RRAS2: variants seen among roughly 807,000 people sequenced by gnomAD.
RRAS2 encodes the protein ras-related protein R-Ras2.
Under a neutral mutation model 27.6 loss-of-function variants are expected in RRAS2, and 7 were observed. The ratio of observed to expected loss-of-function variants is 0.25; its 90% CI spans 0.14 to 0.48. The LOEUF (loss-of-function observed/expected upper bound fraction) is 0.48. Ranked by LOEUF, RRAS2 falls within the 20% of genes least tolerant of loss-of-function variation. The probability of loss-of-function intolerance (pLI) is 0.99; values close to 1 mark genes in which losing one functional copy is unlikely to be tolerated. For missense variants in RRAS2, 178 were observed against 256.2 expected (o/e 0.69, Z 2.08); for synonymous variants, 86 against 90.9 (o/e 0.95, Z 0.31).
intron 1 of RRAS2, among the ~76,000 whole-genome samples, chr11:14,326,186 G>T (rs566477700): frequency 6.6e-6 from 1 of 152,112 alleles, no homozygotes; most frequent in African/African-American, 2.4e-5. Context: ...CAGAATATGT[G>T]CAAATCTGAA....
intron 1 of RRAS2, among the ~76,000 whole-genome samples, chr11:14,352,774 GA>G (rs1848988800): frequency 6.7e-6 from 1 of 148,666 alleles, no homozygotes; most frequent in African/African-American, 2.5e-5. Flanking sequence ...GAGAGAGAGA[GA>G]GAGAGGGAGA....
At position 14,308,823 on chromosome 11, in the gene RRAS2, A is replaced by G. The variant is rs1410835842; in HGVS notation, c.109-12968T>C. On this transcript the variant is annotated intron_variant, in intron 1 of 5. Coordinates refer to ENST00000256196, the MANE Select transcript of RRAS2 (RefSeq NM_012250.6). ...CAGACTCCCCCTTCAGGTGCTATGA[A>G]GTAAAGAGCATGTATTTTAGAGGCA... Among the ~76,000 whole-genome samples the G allele has an allele frequency of 6.0e-4, 92 of 152,346 alleles. 1 individual carries two copies. Among genetic ancestry groups the G allele is most frequent in the Admixed American group, 5.9e-3 (91 of 15,304 alleles).
At chr11:14,289,224 A>C (rs1849746933) in intron 4 of RRAS2, among the ~76,000 whole-genome samples, 1 of 152,192 alleles carries the variant, frequency 6.6e-6, no homozygotes, top group Admixed American at 6.5e-5. Context: ...CTATTATTTT[A>C]AGTATAATAA....
At chr11:14,359,327 G>A, upstream of RRAS2, 1 of 245,268 alleles carries the variant, frequency 4.1e-6, no homozygotes, top group Non-Finnish European at 6.5e-6. Flanking sequence ...TAGCCAGTGA[G>A]CGAGTGCGTG....
At position 14,278,841 on chromosome 11, in the gene RRAS2, G is replaced by C. The variant is rs1189608456; in HGVS notation, c.*496C>G. ...AGTTGTAGTATCAGTAAAGGTCTGA[G>C]ATGGTTCACTTTTGTAGATTCAATT... is the stretch of plus-strand genomic sequence containing the variant. On this transcript the variant is annotated 3_prime_UTR_variant, in exon 6 of 6. Coordinates refer to ENST00000256196, the MANE Select transcript of RRAS2 (RefSeq NM_012250.6). The C allele has an allele frequency of 1.9e-5, 3 of 154,290 alleles. No individual in the cohort carries two copies. The highest frequency in any genetic ancestry group is 1.9e-4 in the East Asian group (1 of 5,232). 9.6% of individuals were successfully genotyped at this position (154,290 alleles called of 1,614,324 possible).
chr11:14,280,726 C>CA (rs58781581), intron 5 of RRAS2, among the ~76,000 whole-genome samples: 717 of 48,330 alleles, frequency 0.015, 104 homozygotes, highest in African/African-American at 0.029. Flanking sequence ...ACTCTGTTTC[C>CA]AAAAAAAAAA....
intron 1 of RRAS2, among the ~76,000 whole-genome samples, chr11:14,322,233 C>A (rs1264668784): frequency 2.0e-5 from 3 of 151,532 alleles, no homozygotes; most frequent in Non-Finnish European, 4.4e-5. Context: ...GAATTTGAGA[C>A]CAGCCTGGGC....
chr11:14,298,285 T>C (rs1847610982), intron 1 of RRAS2, among the ~76,000 whole-genome samples: 1 of 152,206 alleles, frequency 6.6e-6, no homozygotes, highest in Non-Finnish European at 1.5e-5. Context: ...TCCCTACTGA[T>C]TTGGCCTAAA....
At chr11:14,351,555 C>T (rs1333274291) in intron 1 of RRAS2, among the ~76,000 whole-genome samples, 1 of 152,006 alleles carries the variant, frequency 6.6e-6, no homozygotes, top group Non-Finnish European at 1.5e-5. Context: ...GGTGAAACTC[C>T]GTCTCTACTA....
At chr11:14,287,371 A>ATG (rs1385575909) in intron 4 of RRAS2, among the ~76,000 whole-genome samples, 2 of 152,166 alleles carry the variant, frequency 1.3e-5, no homozygotes, top group African/African-American at 4.8e-5. Flanking sequence ...AAATATATAT[A>ATG]TATACACAAA....
chr11:14,294,372 A>ATT (rs5789833), intron 4 of RRAS2, 99 bp downstream of exon 4: 12,319 of 549,566 alleles, frequency 0.022, 15 homozygotes, highest in Middle Eastern at 0.034. Context: ...GGAGCACCGT[A>ATT]TTTTTTTTTT....
At chr11:14,364,183 T>C (rs1204331016), upstream of RRAS2, among the ~76,000 whole-genome samples, 1 of 152,240 alleles carries the variant, frequency 6.6e-6, no homozygotes, top group Non-Finnish European at 1.5e-5. Context: ...CCATCTCATC[T>C]GGACTGTTGG....
intron 1 of RRAS2, among the ~76,000 whole-genome samples, chr11:14,350,137 T>C (rs1249317407): frequency 6.6e-6 from 1 of 152,194 alleles, no homozygotes. Context: ...TTCTCCTTCT[T>C]TCTTACACAA....
chr11:14,363,859 T>C (rs782157400), upstream of RRAS2, among the ~76,000 whole-genome samples: 44 of 151,734 alleles, frequency 2.9e-4, no homozygotes, highest in South Asian at 1.5e-3. Flanking sequence ...TCACCTGCGG[T>C]TGGGAGTTTG....
chr11:14,304,983 TTA>T (rs1352406868), intron 1 of RRAS2, among the ~76,000 whole-genome samples: 2 of 152,218 alleles, frequency 1.3e-5, no homozygotes, highest in South Asian at 2.1e-4. Context: ...ACATGTACAA[TTA>T]TATATGTCTA....
At chr11:14,319,152 A>C (rs1848172552) in intron 1 of RRAS2, among the ~76,000 whole-genome samples, 1 of 152,126 alleles carries the variant, frequency 6.6e-6, no homozygotes, top group Admixed American at 6.6e-5. Flanking sequence ...AACAAAAATA[A>C]ATGTATTGCC....
chr11:14,346,446 T>C (rs1304481231), intron 1 of RRAS2, among the ~76,000 whole-genome samples: 3 of 152,202 alleles, frequency 2.0e-5, no homozygotes, highest in Non-Finnish European at 4.4e-5. Context: ...AGCATACACC[T>C]AGTGAAGTTA....
intron 1 of RRAS2, among the ~76,000 whole-genome samples, chr11:14,334,156 G>A (rs1429750936): frequency 1.3e-5 from 2 of 152,128 alleles, no homozygotes; most frequent in African/African-American, 2.4e-5. Context: ...ATTTAATTCA[G>A]CTTGTTGATT....
chr11:14,329,042 T>C (rs1240223707), intron 1 of RRAS2, among the ~76,000 whole-genome samples: 1 of 147,340 alleles, frequency 6.8e-6, no homozygotes, highest in Non-Finnish European at 1.5e-5. Flanking sequence ...CACACACATA[T>C]ATATGTATAT....
Sources: allele counts gnomAD v4.1 joint callset (sites outside exome capture counted in the v4.1 genomes callset), GRCh38; gene constraint gnomAD v4.1.1; transcripts MANE v1.5; gene names NCBI Gene and HGNC (gene_info 2026-07-23, HGNC 2026-07-21).